The following PPFIBP1 variants were observed in gnomAD, a reference collection of about 807,000 sequenced individuals.
PPFIBP1 encodes the protein PPFIB scaffold protein 1, also known as liprin-beta-1.
In PPFIBP1, 112 loss-of-function variants were observed where a neutral mutation model predicts 137.8. The observed-to-expected ratio is 0.81, with a 90% CI of 0.70 to 0.95. PPFIBP1 has a LOEUF of 0.95. Among genes scored for constraint, PPFIBP1 ranks in the 40% least tolerant of loss-of-function variants. The pLI is 0.00. For missense variants in PPFIBP1, 1,083 were observed against 1,196.6 expected (o/e 0.91, Z 1.40); for synonymous variants, 378 against 417.3 (o/e 0.91, Z 1.15).
intron 4 of PPFIBP1, among the ~76,000 whole-genome samples, chr12:27,644,896 T>C (rs2058365828): frequency 6.8e-6 from 1 of 146,010 alleles, no homozygotes; most frequent in Non-Finnish European, 1.5e-5. Flanking sequence ...TCTGAAATTT[T>C]CCTTTTCATT....
intron 12 of PPFIBP1, among the ~76,000 whole-genome samples, chr12:27,665,635 G>C (rs2059811962): frequency 6.6e-6 from 1 of 152,204 alleles, no homozygotes; most frequent in African/African-American, 2.4e-5. Flanking sequence ...AAATTTGAAA[G>C]TGCTCTTGTT....
intron 1 of PPFIBP1, among the ~76,000 whole-genome samples, chr12:27,549,745 C>T (rs1177949616): frequency 1.3e-5 from 2 of 152,140 alleles, no homozygotes; most frequent in East Asian, 1.9e-4. Flanking sequence ...GCAGTTCCAG[C>T]GGGGCTTGGA....
Position 27,693,030 on chromosome 12 carries a change from T to A in PPFIBP1, c.*148T>A. ...GAGAAGTTTAAACAGAAAGCAGGAG[T>A]AATGTGCCGATTCTGAAGTTGCCAC... On this transcript the variant is annotated 3_prime_UTR_variant, in exon 30 of 30. Transcript: ENST00000228425. The A allele has an allele frequency of 7.7e-7, 1 of 1,299,616 alleles. No homozygotes were observed. The highest frequency in any genetic ancestry group is 1.0e-6 in the Non-Finnish European group (1 of 987,844). 80.5% of individuals were successfully genotyped at this position (1,299,616 alleles called of 1,614,324 possible). A position where few individuals can be genotyped will look rare whatever the true frequency, so the allele number is the denominator to read the frequency against.
chr12:27,648,381 C>A (rs1025298552), intron 6 of PPFIBP1, among the ~76,000 whole-genome samples: 2 of 152,202 alleles, frequency 1.3e-5, no homozygotes, highest in East Asian at 1.9e-4. Context: ...GAAAAGGGAA[C>A]CCTTGTACAC....
At chr12:27,605,122 A>G (rs545385488) in intron 2 of PPFIBP1, among the ~76,000 whole-genome samples, 1 of 152,316 alleles carries the variant, frequency 6.6e-6, no homozygotes, top group Non-Finnish European at 1.5e-5. Flanking sequence ...ATGATTACCC[A>G]GAAAGCATTT....
chr12:27,601,573 A>G (rs568270175), intron 2 of PPFIBP1, among the ~76,000 whole-genome samples: 86 of 152,312 alleles, frequency 5.6e-4, no homozygotes, highest in African/African-American at 1.9e-3. Context: ...TCTCTGAGTT[A>G]TGTGTTTTCA....
intron 1 of PPFIBP1, among the ~76,000 whole-genome samples, chr12:27,551,646 T>G (rs1214622563): frequency 6.6e-6 from 1 of 152,194 alleles, no homozygotes; most frequent in Non-Finnish European, 1.5e-5. Flanking sequence ...GGCTACGGCG[T>G]GTAGTCTCCG....
chr12:27,630,239 A>G (rs2057165347), intron 2 of PPFIBP1, among the ~76,000 whole-genome samples: 1 of 151,910 alleles, frequency 6.6e-6, no homozygotes, highest in Admixed American at 6.6e-5. Flanking sequence ...TATCTATATT[A>G]TGTTAAATAT....
intron 2 of PPFIBP1, among the ~76,000 whole-genome samples, chr12:27,632,377 A>G (rs554090351): frequency 6.6e-6 from 1 of 152,328 alleles, no homozygotes; most frequent in South Asian, 2.1e-4. Flanking sequence ...ATAACATAGT[A>G]AGAGCTTTAT....
intron 2 of PPFIBP1, among the ~76,000 whole-genome samples, chr12:27,601,982 A>C (rs2054045511): frequency 6.6e-6 from 1 of 152,240 alleles, no homozygotes; most frequent in African/African-American, 2.4e-5. Context: ...TCAAGTGGTT[A>C]GTGACCACCT....
chr12:27,529,139 T>C (rs1373285136), intron 1 of PPFIBP1, among the ~76,000 whole-genome samples: 1 of 152,226 alleles, frequency 6.6e-6, no homozygotes, highest in African/African-American at 2.4e-5. Context: ...GTCTTAAATA[T>C]GGATCATGTA....
chr12:27,576,590 G>A (rs527428659), intron 1 of PPFIBP1, among the ~76,000 whole-genome samples: 6 of 152,136 alleles, frequency 3.9e-5, no homozygotes, highest in Non-Finnish European at 7.3e-5. Flanking sequence ...GCTCAGACCC[G>A]GACTGACCTC....
At chr12:27,576,234 A>G (rs1447694996) in intron 1 of PPFIBP1, among the ~76,000 whole-genome samples, 1 of 152,074 alleles carries the variant, frequency 6.6e-6, no homozygotes, top group African/African-American at 2.4e-5. Flanking sequence ...TTCTTTTTAA[A>G]CTATTCTACT....
At chr12:27,590,176 G>GT (rs1466954174) in intron 2 of PPFIBP1, among the ~76,000 whole-genome samples, 10 of 138,740 alleles carry the variant, frequency 7.2e-5, no homozygotes, top group East Asian at 4.0e-4. Context: ...TTAGGATTTT[G>GT]TTTTTTTTGT....
intron 1 of PPFIBP1, among the ~76,000 whole-genome samples, chr12:27,553,016 C>T (rs2136228288): frequency 6.6e-6 from 1 of 151,666 alleles, no homozygotes; most frequent in Non-Finnish European, 1.5e-5. Context: ...TAGCAGGGTT[C>T]TTTGCTAAAC....
chr12:27,688,771 G>A (rs2061344016), intron 26 of PPFIBP1, among the ~76,000 whole-genome samples: 1 of 152,196 alleles, frequency 6.6e-6, no homozygotes, highest in Non-Finnish European at 1.5e-5. Context: ...GAGAGGCAGA[G>A]CACTGATATT....
chr12:27,623,936 A>C (rs1274933614), intron 2 of PPFIBP1, among the ~76,000 whole-genome samples: 1 of 152,188 alleles, frequency 6.6e-6, no homozygotes, highest in Non-Finnish European at 1.5e-5. Context: ...GCAGAAATAC[A>C]GTCTGTTTTC....
chr12:27,646,467 C>T (rs1354156479), intron 5 of PPFIBP1, among the ~76,000 whole-genome samples: 3 of 146,300 alleles, frequency 2.1e-5, no homozygotes, highest in African/African-American at 7.6e-5. Flanking sequence ...TAGTCTTGAA[C>T]TCCTAGGCTC....
chr12:27,586,287 A>G (rs1363402699), intron 2 of PPFIBP1, among the ~76,000 whole-genome samples: 1 of 152,214 alleles, frequency 6.6e-6, no homozygotes, highest in Non-Finnish European at 1.5e-5. Context: ...GGATTCGGAG[A>G]GTCTTTGAAC....
Sources: allele counts gnomAD v4.1 joint callset (sites outside exome capture counted in the v4.1 genomes callset), GRCh38; gene constraint gnomAD v4.1.1; transcripts MANE v1.5; gene names NCBI Gene and HGNC (gene_info 2026-07-23, HGNC 2026-07-21).